The following NTM variants were observed in gnomAD, a reference collection of about 807,000 sequenced individuals.
NTM encodes the protein IgLON family member 2.
NTM carries 13 observed loss-of-function variants against 42.1 expected under a neutral mutation model. That is an observed-to-expected ratio of 0.31 (90% CI 0.20 to 0.49). The LOEUF is 0.49. NTM is among the 20% of genes least tolerant of loss of function. The probability of loss-of-function intolerance (pLI) is 0.99; values close to 1 mark genes in which losing one functional copy is unlikely to be tolerated. For synonymous variants in NTM, 187 were observed against 179.2 expected, an observed-to-expected ratio of 1.04 and a Z score of -0.35; for missense variants, 373 against 452.8, an observed-to-expected ratio of 0.82 and a Z score of 1.60.
intron 1 of NTM, among the ~76,000 whole-genome samples, chr11:131,571,446 C>T (rs1250259888): frequency 1.3e-5 from 2 of 152,224 alleles, no homozygotes; most frequent in East Asian, 3.8e-4. Context: ...GCATCTTGCC[C>T]AAGGTCATAG....
intron 1 of NTM, among the ~76,000 whole-genome samples, chr11:131,509,406 CCTT>C (rs1311703495): frequency 6.6e-6 from 1 of 152,212 alleles, no homozygotes; most frequent in Admixed American, 6.5e-5. Flanking sequence ...ACTTCAGCTG[CCTT>C]CTTCTCCCAG....
chr11:131,576,811 T>A (rs969603358), intron 1 of NTM, among the ~76,000 whole-genome samples: 2 of 152,208 alleles, frequency 1.3e-5, no homozygotes, highest in African/African-American at 4.8e-5. Flanking sequence ...CTGGATTGAA[T>A]CTTGGCTCTG....
intron 3 of NTM, among the ~76,000 whole-genome samples, chr11:132,196,460 G>T (rs547735178): frequency 1.3e-5 from 2 of 151,872 alleles, no homozygotes; most frequent in African/African-American, 2.4e-5. Context: ...ACAAGGAAAA[G>T]AAATTGTCCC....
rs117599474 is a variant in NTM, at chr11:132,005,430, A to T, written c.167+93782A>T. ...GGAGCTCTGTTTTCTCTTTGTCATC[A>T]GCTACTTGCATTGTGGCAGACAGAT... On this transcript the variant is annotated intron_variant, in intron 2 of 8. Coordinates refer to ENST00000683400, the MANE Select transcript of NTM (RefSeq NM_001352005.2). 1.7e-4 allele frequency among the ~76,000 whole-genome samples: 26 copies of T among 152,298 alleles called. No homozygotes were observed. In the East Asian group the frequency reaches 5.0e-3, roughly 29 times the overall value.
intron 6 of NTM, among the ~76,000 whole-genome samples, chr11:132,313,405 C>G (rs1409454180): frequency 1.3e-5 from 2 of 152,086 alleles, no homozygotes; most frequent in African/African-American, 2.4e-5. Context: ...TGTGCTCCAG[C>G]CAGGCCCTAA....
chr11:132,000,515 C>T (rs2068993286), intron 2 of NTM, among the ~76,000 whole-genome samples: 1 of 152,182 alleles, frequency 6.6e-6, no homozygotes, highest in Admixed American at 6.5e-5. Context: ...ATGTGCAAAG[C>T]ATTTGGGGTG....
At chr11:131,591,373 C>A (rs567357649) in intron 1 of NTM, among the ~76,000 whole-genome samples, 1 of 152,238 alleles carries the variant, frequency 6.6e-6, no homozygotes, top group Non-Finnish European at 1.5e-5. Context: ...GGGACGAAGC[C>A]TCCCGTGGGC....
chr11:131,705,768 A>G (rs1332434974), intron 1 of NTM, among the ~76,000 whole-genome samples: 1 of 152,142 alleles, frequency 6.6e-6, no homozygotes. Context: ...GGTTGTTTTC[A>G]GATTAAAATA....
intron 1 of NTM, chr11:131,795,734 C>T: frequency 1.0e-6 from 1 of 985,282 alleles, no homozygotes; most frequent in Non-Finnish European, 1.2e-6. Flanking sequence ...GAGGTGGTGA[C>T]AGTGTAGTGG....
chr11:131,422,330 G>C (rs1429528196), intron 1 of NTM, among the ~76,000 whole-genome samples: 1 of 152,154 alleles, frequency 6.6e-6, no homozygotes, highest in Non-Finnish European at 1.5e-5. Context: ...GTCTGAATGT[G>C]TATCTCCTCC....
intron 4 of NTM, among the ~76,000 whole-genome samples, chr11:132,235,354 G>A (rs1246461747): frequency 3.9e-5 from 6 of 152,086 alleles, no homozygotes. Flanking sequence ...GTGCATGTGT[G>A]TGAGCGTGTA....
At chr11:132,181,963 T>TATG (rs983674850) in intron 3 of NTM, among the ~76,000 whole-genome samples, 2 of 137,210 alleles carry the variant, frequency 1.5e-5, no homozygotes, top group Non-Finnish European at 3.1e-5. Context: ...AGTTTATTAT[T>TATG]ATTATTATTA....
At chr11:132,050,896 G>A (rs1042091529) in intron 2 of NTM, among the ~76,000 whole-genome samples, 4 of 152,196 alleles carry the variant, frequency 2.6e-5, no homozygotes, top group Admixed American at 2.6e-4. Flanking sequence ...CTCCAGCCTT[G>A]TCTGGTTCTT....
At chr11:132,030,669 G>T (rs1442327589) in intron 2 of NTM, among the ~76,000 whole-genome samples, 1 of 152,196 alleles carries the variant, frequency 6.6e-6, no homozygotes, top group Non-Finnish European at 1.5e-5. Flanking sequence ...AACCTCATAT[G>T]CCAAAGCCCT....
intron 1 of NTM, among the ~76,000 whole-genome samples, chr11:131,467,217 A>AG (rs1160370271): frequency 6.6e-6 from 1 of 152,260 alleles, no homozygotes; most frequent in Admixed American, 6.5e-5. Context: ...AGATGGGCCA[A>AG]GAGGGGTAAG....
At chr11:132,141,387 C>T (rs1448698564) in intron 2 of NTM, among the ~76,000 whole-genome samples, 1 of 152,136 alleles carries the variant, frequency 6.6e-6, no homozygotes, top group Non-Finnish European at 1.5e-5. Context: ...CTTGCTTAAT[C>T]ATTTGTTTTT....
chr11:131,495,053 G>A (rs1360086496), intron 1 of NTM, among the ~76,000 whole-genome samples: 2 of 152,216 alleles, frequency 1.3e-5, no homozygotes, highest in Non-Finnish European at 2.9e-5. Context: ...TTTGAAGGAA[G>A]CTGAGAATTA....
At chr11:131,994,018 AAGAAG>A (rs1002116717) in intron 2 of NTM, among the ~76,000 whole-genome samples, 5 of 24,886 alleles carry the variant, frequency 2.0e-4, no homozygotes, top group African/African-American at 4.6e-4. Context: ...AAAAAAAAAA[AAGAAG>A]AAGAAGAAGA....
At chr11:131,617,557 G>A (rs1319355929) in intron 1 of NTM, among the ~76,000 whole-genome samples, 1 of 152,146 alleles carries the variant, frequency 6.6e-6, no homozygotes, top group Non-Finnish European at 1.5e-5. Flanking sequence ...GCAAGCGTGT[G>A]CTCAAGGCTG....
Sources: allele counts gnomAD v4.1 joint callset (sites outside exome capture counted in the v4.1 genomes callset), GRCh38; gene constraint gnomAD v4.1.1; transcripts MANE v1.5; gene names NCBI Gene and HGNC (gene_info 2026-07-23, HGNC 2026-07-21).